ZFPM2: variants seen among roughly 807,000 people sequenced by gnomAD.
ZFPM2 encodes the protein zinc finger protein ZFPM2.
ZFPM2 carries 20 observed loss-of-function variants against 98.6 expected under a neutral mutation model. The observed-to-expected ratio is 0.20, with a 90% CI of 0.14 to 0.29. The LOEUF (loss-of-function observed/expected upper bound fraction) is 0.29. ZFPM2 is among the 10% of genes least tolerant of loss of function. ZFPM2 has a pLI of 1.00. For missense variants in ZFPM2, 1,310 were observed against 1,388.6 expected (o/e 0.94, Z 0.90); for synonymous variants, 518 against 502.7 (o/e 1.03, Z -0.41).
At chr8:105,520,727 C>G (rs377011320) in intron 3 of ZFPM2, among the ~76,000 whole-genome samples, 1 of 151,472 alleles carries the variant, frequency 6.6e-6, no homozygotes, top group Admixed American at 6.6e-5. Flanking sequence ...TATGGGGAAG[C>G]TTTTTTTGGA....
At chr8:105,453,898 T>A (rs986029469) in intron 3 of ZFPM2, among the ~76,000 whole-genome samples, 2 of 152,104 alleles carry the variant, frequency 1.3e-5, no homozygotes, top group African/African-American at 4.8e-5. Context: ...GTGTCTAGAG[T>A]ATTTTAAAGC....
intron 4 of ZFPM2, among the ~76,000 whole-genome samples, chr8:105,593,087 G>A (rs1815885419): frequency 6.6e-6 from 1 of 152,084 alleles, no homozygotes; most frequent in South Asian, 2.1e-4. Context: ...AAAGATAAGA[G>A]CTTTCTGTTT....
chr8:105,404,294 T>C (rs1332755339), intron 1 of ZFPM2, among the ~76,000 whole-genome samples: 2 of 152,090 alleles, frequency 1.3e-5, no homozygotes, highest in African/African-American at 2.4e-5. Flanking sequence ...CCGCTATATA[T>C]TGTGGAAAAT....
At chr8:105,615,128 A>G (rs1483109737) in intron 4 of ZFPM2, among the ~76,000 whole-genome samples, 1 of 152,068 alleles carries the variant, frequency 6.6e-6, no homozygotes, top group Non-Finnish European at 1.5e-5. Context: ...GAAGGGTACT[A>G]TCTACAGCAC....
chr8:105,487,549 AGT>A (rs1230526863), intron 3 of ZFPM2, among the ~76,000 whole-genome samples: 3 of 152,184 alleles, frequency 2.0e-5, no homozygotes, highest in Non-Finnish European at 1.5e-5. Context: ...CTACTTATGG[AGT>A]GTATACTTTG....
At chr8:105,773,699 AAAAT>A (rs1352895178) in intron 5 of ZFPM2, among the ~76,000 whole-genome samples, 1 of 151,162 alleles carries the variant, frequency 6.6e-6, no homozygotes, top group Non-Finnish European at 1.5e-5. Flanking sequence ...AAATAAAAAT[AAAAT>A]AAATAAAATA....
intron 2 of ZFPM2, among the ~76,000 whole-genome samples, chr8:105,437,433 T>C (rs1269510701): frequency 1.3e-5 from 2 of 152,186 alleles, no homozygotes; most frequent in African/African-American, 4.8e-5. Flanking sequence ...TTTTTAATCA[T>C]ATGAAACTAC....
intron 2 of ZFPM2, among the ~76,000 whole-genome samples, chr8:105,426,864 G>A (rs1393288019): frequency 6.6e-6 from 1 of 152,120 alleles, no homozygotes; most frequent in African/African-American, 2.4e-5. Flanking sequence ...GGCTGAGGCA[G>A]GAGAATTGTT....
At chr8:105,494,473 T>A (rs890616390) in intron 3 of ZFPM2, among the ~76,000 whole-genome samples, 1 of 151,918 alleles carries the variant, frequency 6.6e-6, no homozygotes, top group Non-Finnish European at 1.5e-5. Context: ...TCATCATTTT[T>A]CCCTTTGAAT....
intron 1 of ZFPM2, among the ~76,000 whole-genome samples, chr8:105,365,537 T>C (rs1810489586): frequency 6.6e-6 from 1 of 152,162 alleles, no homozygotes; most frequent in African/African-American, 2.4e-5. Flanking sequence ...TCATGAAATT[T>C]GCGGTTAAAA....
chr8:105,798,622 C>T, intron 6 of ZFPM2, 102 bp from the exon 7 acceptor site: 1 of 940,190 alleles, frequency 1.1e-6, no homozygotes, highest in Non-Finnish European at 1.6e-6. Flanking sequence ...CAATTAAGAA[C>T]CTGAGAGCGG....
intron 1 of ZFPM2, among the ~76,000 whole-genome samples, chr8:105,342,003 G>T (rs150107955): frequency 6.6e-6 from 1 of 152,016 alleles, no homozygotes; most frequent in African/African-American, 2.4e-5. Context: ...CAGGGAGAAC[G>T]TGAGTTGGGC....
chr8:105,477,780 G>A (rs139499199), intron 3 of ZFPM2, among the ~76,000 whole-genome samples: 52 of 152,226 alleles, frequency 3.4e-4, no homozygotes, highest in African/African-American at 1.1e-3. Context: ...TTCTACCAAG[G>A]TGGAAACTTA....
At chr8:105,456,803 G>T (rs1812601784) in intron 3 of ZFPM2, among the ~76,000 whole-genome samples, 1 of 152,004 alleles carries the variant, frequency 6.6e-6, no homozygotes, top group Admixed American at 6.6e-5. Flanking sequence ...CTCCTGAATG[G>T]CGGGGACTAC....
chr8:105,664,572 G>A (rs1349363375), intron 5 of ZFPM2, among the ~76,000 whole-genome samples: 1 of 152,128 alleles, frequency 6.6e-6, no homozygotes, highest in East Asian at 1.9e-4. Flanking sequence ...ATCCTCAGGT[G>A]ATCCGCCTGC....
At chr8:105,764,051 A>T (rs1812798713) in intron 5 of ZFPM2, among the ~76,000 whole-genome samples, 1 of 151,908 alleles carries the variant, frequency 6.6e-6, no homozygotes, top group South Asian at 2.1e-4. Context: ...TAGGATATTT[A>T]TTTTATTGAC....
At chr8:105,723,151 C>T (rs1400996111) in intron 5 of ZFPM2, among the ~76,000 whole-genome samples, 1 of 151,808 alleles carries the variant, frequency 6.6e-6, no homozygotes, top group Non-Finnish European at 1.5e-5. Context: ...ATTTCATCCC[C>T]CACCCATTTT....
chr8:105,375,646 C>A (rs1010042513), intron 1 of ZFPM2, among the ~76,000 whole-genome samples: 1 of 152,132 alleles, frequency 6.6e-6, no homozygotes, highest in African/African-American at 2.4e-5. Flanking sequence ...TGTAAAGAGG[C>A]AGATGAGGCC....
At chr8:105,330,615 T>TATAC (rs1812209888) in intron 1 of ZFPM2, among the ~76,000 whole-genome samples, 1 of 57,398 alleles carries the variant, frequency 1.7e-5, no homozygotes, top group African/African-American at 1.3e-4. Context: ...TATATACACA[T>TATAC]ATATATATAT....
Sources: gnomAD v4.1 joint callset for allele counts (sites outside exome capture counted in the v4.1 genomes callset) on GRCh38, gnomAD v4.1.1 for gene constraint, MANE v1.5 for transcripts, NCBI Gene and HGNC (gene_info 2026-07-23, HGNC 2026-07-21) for gene names.